Variants in EIF4E2 observed in about 807,000 individuals in gnomAD.
The protein encoded by EIF4E2 is eukaryotic translation initiation factor 4E family member 2, also known as eukaryotic translation initiation factor 4E type 2.
A neutral mutation model predicts 34.2 loss-of-function variants in EIF4E2; 13 were observed. The observed-to-expected ratio is 0.38, with a 90% CI of 0.25 to 0.60. EIF4E2 has a LOEUF of 0.60. Ranked by LOEUF, EIF4E2 falls within the 20% of genes least tolerant of loss-of-function variation. EIF4E2 has a pLI of 0.62. For missense variants in EIF4E2, 222 were observed against 315.1 expected, an observed-to-expected ratio of 0.70 and a Z score of 2.24; for synonymous variants, 100 against 106.6, an observed-to-expected ratio of 0.94 and a Z score of 0.38.
chr2:232,559,593 A>G (rs1390439460), intron 3 of EIF4E2, among the ~76,000 whole-genome samples: 1 of 152,142 alleles, frequency 6.6e-6, no homozygotes, highest in Non-Finnish European at 1.5e-5. Context: ...GGTCAGTGAT[A>G]TTATCCATGT....
chr2:232,556,612 C>T, intron 2 of EIF4E2, 82 bp downstream of exon 2: 1 of 1,016,744 alleles, frequency 9.8e-7, no homozygotes, highest in Admixed American at 2.1e-5. Context: ...CTGGAAGATA[C>T]CAGATTAACT....
rs1316383364 is a variant in EIF4E2 at position 232,581,417 on chromosome 2, T to C, written c.*474T>C. 3.3e-6 allele frequency: 1 copy of C among 301,912 alleles called. No individual in the cohort carries two copies. Among genetic ancestry groups the C allele is most frequent in the African/African-American group, 2.2e-5 (1 of 45,152 alleles). The allele number at this position is 301,912 out of a possible 1,614,324, so 18.7% of individuals were successfully genotyped here. On this transcript the variant is annotated 3_prime_UTR_variant, in exon 7 of 7. Transcript: ENST00000409098. This position sits in a 1 kb window ranked among gnomAD's most constrained non-coding sequence, Gnocchi z 5.2. ...CTCTTCTAGCTCTGCCATTAAATTA[T>C]TGGGACATTTTGTTTCTTTCTCTCC...
chr2:232,565,617 G>A (rs1004166196), intron 4 of EIF4E2, among the ~76,000 whole-genome samples: 4 of 151,840 alleles, frequency 2.6e-5, no homozygotes, highest in Admixed American at 2.6e-4. Context: ...CTGGGTGACA[G>A]AGCGAGACTC....
intron 1 of EIF4E2, among the ~76,000 whole-genome samples, chr2:232,555,694 C>A (rs957118216): frequency 6.6e-6 from 1 of 151,846 alleles, no homozygotes; most frequent in African/African-American, 2.4e-5. Context: ...TGTGACAGAC[C>A]GAAGGGGTGG....
chr2:232,550,794 C>G, intron 1 of EIF4E2, 50 bp downstream of exon 1: 2 of 1,503,858 alleles, frequency 1.3e-6, no homozygotes, highest in Non-Finnish European at 1.8e-6. Flanking sequence ...ACAGTTCCCC[C>G]GCGCCCGCCC....
At chr2:232,567,473 C>G in intron 6 of EIF4E2, 1 of 1,287,714 alleles carries the variant, frequency 7.8e-7, no homozygotes, top group Non-Finnish European at 9.8e-7. Context: ...TGCTTAATTT[C>G]TACAGGCTGT....
chr2:232,566,940 G>T lies in EIF4E2; in HGVS notation c.487G>T (p.Gly163Trp), dbSNP rs1181822248. The T allele has an allele frequency of 6.2e-7, 1 of 1,608,248 alleles. No individual in the cohort carries two copies. The highest frequency in any genetic ancestry group is 8.5e-7 in the Non-Finnish European group (1 of 1,177,188). The change falls in exon 5 of 7, where the codon GGG becomes TGG. Residue 163 changes from glycine (G) to tryptophan (W), a missense_variant. Gly to Trp is a radical substitution (Grantham distance 184, BLOSUM62 -2). This residue lies in a region of EIF4E2 where 105 missense variants were observed against 195.1 expected (regional missense o/e 0.54). Transcript: ENST00000258416. The surrounding 1 kb of genome is among the most constrained non-coding windows in gnomAD (Gnocchi z 4.9). ...CATGCTGGGGGAACAGTTCATGGTT[G>T]GGGAGGAGATCTGTGGGGCTGTGGT... ...LAMLGEQFMV[G>W]EEICGAVVSV...
At chr2:232,571,223 C>T (rs575321071), downstream of EIF4E2, among the ~76,000 whole-genome samples, 24 of 152,320 alleles carry the variant, frequency 1.6e-4, 1 homozygote, top group South Asian at 3.9e-3. Flanking sequence ...ACAGAGCAGG[C>T]GGGTGATGAG....
chr2:232,572,690 C>T (rs1574675844), downstream of EIF4E2, among the ~76,000 whole-genome samples: 2 of 152,270 alleles, frequency 1.3e-5, no homozygotes, highest in South Asian at 4.1e-4. Context: ...CCAGGTTCTT[C>T]ATGTTGAGGT....
At chr2:232,552,768 A>G (rs762453694) in intron 1 of EIF4E2, among the ~76,000 whole-genome samples, 7 of 151,150 alleles carry the variant, frequency 4.6e-5, no homozygotes, top group Non-Finnish European at 7.4e-5. Context: ...TTGAGCCAGA[A>G]TCTTTTAACA....
In EIF4E2 at chr2:232,553,681, T is replaced by G. The variant is rs188369927; in HGVS notation, c.21-2735T>G. 4.4e-3 allele frequency among the ~76,000 whole-genome samples: 674 copies of G among 152,334 alleles called. 20 individuals carry two copies. Among genetic ancestry groups the G allele is most frequent in the Non-Finnish European group, 1.5e-3 (99 of 68,034 alleles). ...GGAAGAGTAGCTTGTAAGATTTGCC[T>G]TAAATGTAGGCTTAGAGGGCAGAGT... On this transcript the variant is annotated intron_variant, in intron 1 of 6. Transcript: ENST00000258416.
intron 1 of EIF4E2, among the ~76,000 whole-genome samples, chr2:232,555,733 A>G (rs1355738228): frequency 6.6e-6 from 1 of 152,212 alleles, no homozygotes; most frequent in Non-Finnish European, 1.5e-5. Context: ...ATACGGCAAC[A>G]TAGATTGCTA....
intron 1 of EIF4E2, among the ~76,000 whole-genome samples, chr2:232,551,979 C>A (rs1692352153): frequency 6.6e-6 from 1 of 152,114 alleles, no homozygotes; most frequent in South Asian, 2.1e-4. Flanking sequence ...CGCTGCCGCC[C>A]CATTTCATCT....
rs6147227 is a variant in EIF4E2, at chr2:232,580,084, C to CCACACACACA, written c.666-780_666-771dup. On this transcript the variant is annotated intron_variant, in intron 6 of 6. Coordinates refer to the EIF4E2 transcript ENST00000409098. ...CATATTGGGATCCCCCACATACATA[C>CCACACACACA]CACACACACACACACACACACACAC... is the stretch of plus-strand genomic sequence containing the variant. Among the ~76,000 whole-genome samples, 447 of 145,258 alleles carry CCACACACACA rather than the reference C, an allele frequency of 3.1e-3. 1 individual carries two copies. The highest frequency in any genetic ancestry group is 4.9e-3 in the Admixed American group (70 of 14,238).
rs761869136 is a variant in EIF4E2, at chr2:232,550,758, G to A, written c.20+14G>A. 33 of 1,560,850 alleles carry A rather than the reference G, an allele frequency of 2.1e-5. No homozygotes were observed. In the South Asian group the frequency reaches 3.2e-4, roughly 15 times the overall value. On this transcript the variant is annotated intron_variant, in intron 1 of 6. Transcript: ENST00000258416. The stretch of plus-strand genomic sequence containing the variant: ...CAAGTTCGACGCGTGAGTGGCTCGT[G>A]GCCGCCCCCGGGGCCCCTTCCCCGA...
intron 6 of EIF4E2, chr2:232,568,061 A>T: frequency 1.0e-6 from 1 of 985,294 alleles, no homozygotes; most frequent in Non-Finnish European, 1.2e-6. Context: ...TACTTTATCT[A>T]ACAAGGCTAT....
chr2:232,561,841 G>A (rs955326939), intron 3 of EIF4E2, among the ~76,000 whole-genome samples: 74 of 151,270 alleles, frequency 4.9e-4, no homozygotes, highest in South Asian at 1.9e-3. Flanking sequence ...AGGTCCTTTC[G>A]GCACCTCATA....
downstream of EIF4E2, among the ~76,000 whole-genome samples, chr2:232,571,765 A>T (rs953802104): frequency 6.6e-6 from 1 of 152,222 alleles, no homozygotes; most frequent in African/African-American, 2.4e-5. Context: ...TTCTCCTGGC[A>T]TGGCTAAATC....
chr2:232,570,612 CTTGG>C (rs1246404329), downstream of EIF4E2, among the ~76,000 whole-genome samples: 2 of 152,160 alleles, frequency 1.3e-5, no homozygotes, highest in East Asian at 3.8e-4. Context: ...ATGGATATGA[CTTGG>C]TTTGAGCCAA....
Sources: gnomAD v4.1 joint callset for allele counts (sites outside exome capture counted in the v4.1 genomes callset) on GRCh38, gnomAD v4.1.1 for gene constraint, gnomAD v4.1.1 regional missense constraint, Gnocchi (gnomAD v3.1) non-coding constraint, MANE v1.5 for transcripts, NCBI Gene and HGNC (gene_info 2026-07-23, HGNC 2026-07-21) for gene names.